CCDC178: variants seen among roughly 807,000 people sequenced by gnomAD.
CCDC178 encodes coiled-coil domain-containing protein 178.
Under a neutral mutation model 117.4 loss-of-function variants are expected in CCDC178, and 126 were observed. The observed-to-expected ratio is 1.07, with a 90% CI of 0.93 to 1.24. The LOEUF (loss-of-function observed/expected upper bound fraction) is 1.24, where lower values mean the gene tolerates loss of function less well. CCDC178 is among the 50% of genes most tolerant of loss of function. CCDC178 has a pLI of 0.00. For synonymous variants in CCDC178, 283 were observed against 313.4 expected, an observed-to-expected ratio of 0.90 and a Z score of 1.02; for missense variants, 1,030 against 986.9, an observed-to-expected ratio of 1.04 and a Z score of -0.59.
chr18:33,258,048 T>G (rs2059700507), intron 14 of CCDC178, among the ~76,000 whole-genome samples: 1 of 152,100 alleles, frequency 6.6e-6, no homozygotes, highest in South Asian at 2.1e-4. Context: ...CCCTACCATT[T>G]ATACTGCAAA....
At chr18:33,387,462 A>G (rs1254375646) in intron 5 of CCDC178, among the ~76,000 whole-genome samples, 1 of 152,228 alleles carries the variant, frequency 6.6e-6, no homozygotes, top group African/African-American at 2.4e-5. Context: ...TTCAAACTAT[A>G]CTATAAGGCT....
intron 20 of CCDC178, among the ~76,000 whole-genome samples, chr18:33,162,860 T>G (rs1254363070): frequency 2.0e-5 from 3 of 152,188 alleles, no homozygotes; most frequent in Non-Finnish European, 4.4e-5. Context: ...TGATTGCATG[T>G]TTTTTTCTAT....
chr18:33,122,158 A>G (rs1479693867), intron 20 of CCDC178, among the ~76,000 whole-genome samples: 1 of 152,180 alleles, frequency 6.6e-6, no homozygotes, highest in Non-Finnish European at 1.5e-5. Context: ...TAGACTTTAG[A>G]ATACTATATA....
intron 21 of CCDC178, among the ~76,000 whole-genome samples, chr18:33,069,674 G>A (rs2057076136): frequency 6.6e-6 from 1 of 151,972 alleles, no homozygotes; most frequent in Admixed American, 6.6e-5. Flanking sequence ...ATAGACAAAT[G>A]AAACTATATT....
At chr18:33,380,932 G>A (rs577424644) in intron 5 of CCDC178, among the ~76,000 whole-genome samples, 5 of 152,242 alleles carry the variant, frequency 3.3e-5, no homozygotes, top group South Asian at 2.1e-4. Context: ...TTCACACATC[G>A]AGGCACGTCT....
intron 12 of CCDC178, among the ~76,000 whole-genome samples, chr18:33,281,441 G>A (rs1430246394): frequency 1.3e-5 from 2 of 152,064 alleles, no homozygotes; most frequent in African/African-American, 4.8e-5. Context: ...TGTAGTTTTG[G>A]TTATGTTTAA....
intron 12 of CCDC178, among the ~76,000 whole-genome samples, chr18:33,288,395 C>T (rs1463038761): frequency 9.3e-6 from 1 of 107,782 alleles, no homozygotes; most frequent in African/African-American, 4.3e-5. Context: ...CTCCCCCCCT[C>T]CCCTTCCTTC....
rs545611057 is a variant in CCDC178 at position 33,132,892 on chromosome 18, A to G, written c.2239-39982T>C. Among the ~76,000 whole-genome samples, 76 of 151,934 alleles carry G rather than the reference A, an allele frequency of 5.0e-4. 1 individual carries two copies. Among genetic ancestry groups the G allele is most frequent in the African/African-American group, 1.8e-3 (73 of 41,556 alleles). On this transcript the variant is annotated intron_variant, in intron 20 of 22. Coordinates refer to ENST00000383096, the MANE Select transcript of CCDC178 (RefSeq NM_001105528.4). ...TAATACAGCAGAATTAAGAAAGAAA[A>G]CTTTGCAACAGATTTCGATTCCCTA...
At chr18:32,960,096 C>T (rs1039062527) in intron 22 of CCDC178, among the ~76,000 whole-genome samples, 1 of 151,934 alleles carries the variant, frequency 6.6e-6, no homozygotes, top group African/African-American at 2.4e-5. Context: ...TTATTAATCT[C>T]CTAAAGCTAC....
At chr18:33,294,393 G>C (rs773473524) in intron 11 of CCDC178, among the ~76,000 whole-genome samples, 3 of 152,030 alleles carry the variant, frequency 2.0e-5, no homozygotes, top group Non-Finnish European at 2.9e-5. Context: ...AGAGTAAAAC[G>C]TTTATATGTA....
At chr18:33,015,851 T>C (rs906029715) in intron 21 of CCDC178, among the ~76,000 whole-genome samples, 2 of 152,118 alleles carry the variant, frequency 1.3e-5, no homozygotes, top group South Asian at 2.1e-4. Flanking sequence ...GTATAATGAC[T>C]AAAATAAAAG....
At chr18:33,236,190 A>G (rs1188149207) in intron 15 of CCDC178, among the ~76,000 whole-genome samples, 1 of 152,172 alleles carries the variant, frequency 6.6e-6, no homozygotes, top group Admixed American at 6.6e-5. Context: ...TGGATTAAAG[A>G]TTAATTTCAG....
At chr18:33,390,300 T>C (rs1038388216) in intron 4 of CCDC178, among the ~76,000 whole-genome samples, 1 of 151,902 alleles carries the variant, frequency 6.6e-6, no homozygotes, top group Non-Finnish European at 1.5e-5. Flanking sequence ...AAGCTAAATA[T>C]ATGTACACTT....
chr18:33,057,567 C>T (rs2056851371), intron 21 of CCDC178, among the ~76,000 whole-genome samples: 1 of 152,118 alleles, frequency 6.6e-6, no homozygotes, highest in Non-Finnish European at 1.5e-5. Context: ...TCTGGGCTCA[C>T]TGCAACCTCT....
intron 12 of CCDC178, among the ~76,000 whole-genome samples, chr18:33,286,108 G>A (rs954562239): frequency 2.6e-5 from 4 of 151,256 alleles, no homozygotes; most frequent in African/African-American, 9.7e-5. Flanking sequence ...TGAGCAGCTG[G>A]GACTACAGGT....
At chr18:33,157,532 A>C (rs1294435965) in intron 20 of CCDC178, among the ~76,000 whole-genome samples, 6 of 152,190 alleles carry the variant, frequency 3.9e-5, no homozygotes, top group African/African-American at 1.4e-4. Flanking sequence ...TAATATTATA[A>C]AACATCAGCA....
chr18:33,372,397 T>C (rs969207801), intron 5 of CCDC178, among the ~76,000 whole-genome samples: 4 of 152,170 alleles, frequency 2.6e-5, no homozygotes, highest in Admixed American at 2.0e-4. Flanking sequence ...TTAGCTAAAA[T>C]GATTCAGTCT....
chr18:33,131,600 C>G (rs1008203101), intron 20 of CCDC178, among the ~76,000 whole-genome samples: 1 of 151,290 alleles, frequency 6.6e-6, no homozygotes, highest in African/African-American at 2.4e-5. Context: ...ATATACTTAC[C>G]CACCAACATT....
intron 20 of CCDC178, among the ~76,000 whole-genome samples, chr18:33,176,258 T>G (rs972317552): frequency 6.6e-6 from 1 of 152,186 alleles, no homozygotes; most frequent in African/African-American, 2.4e-5. Context: ...AGTCTGACAC[T>G]CTTAGAGTGC....
Sources: allele counts gnomAD v4.1 joint callset (sites outside exome capture counted in the v4.1 genomes callset), GRCh38; gene constraint gnomAD v4.1.1; transcripts MANE v1.5; gene names NCBI Gene and HGNC (gene_info 2026-07-23, HGNC 2026-07-21).